The following SLCO1A2 variants were observed in gnomAD, a reference collection of about 807,000 sequenced individuals.
SLCO1A2 encodes the protein solute carrier organic anion transporter family member 1A2.
A neutral mutation model predicts 69.0 loss-of-function variants in SLCO1A2; 67 were observed. That is an observed-to-expected ratio of 0.97 (90% confidence interval 0.80 to 1.19). SLCO1A2 has a LOEUF of 1.19. SLCO1A2 is among the 50% of genes most tolerant of loss of function. SLCO1A2 has a pLI of 0.00. For missense variants in SLCO1A2, 787 were observed against 793.7 expected, an observed-to-expected ratio of 0.99 and a Z score of 0.10; for synonymous variants, 260 against 265.9, an observed-to-expected ratio of 0.98 and a Z score of 0.22.
At chr12:21,413,001 G>A (rs1237327859) in intron 1 of SLCO1A2, among the ~76,000 whole-genome samples, 1 of 152,056 alleles carries the variant, frequency 6.6e-6, no homozygotes, top group Non-Finnish European at 1.5e-5. Context: ...GACGATAGGG[G>A]ACCTGCTCAT....
intron 7 of SLCO1A2, 108 bp from the exon 8 acceptor site, chr12:21,300,677 G>T: frequency 1.1e-6 from 1 of 883,270 alleles, no homozygotes; most frequent in Non-Finnish European, 1.6e-6. Flanking sequence ...CTATAAAATT[G>T]GCTTATAATT....
chr12:21,376,010 T>C (rs1223415218), intron 1 of SLCO1A2, among the ~76,000 whole-genome samples: 1 of 152,154 alleles, frequency 6.6e-6, no homozygotes, highest in Non-Finnish European at 1.5e-5. Flanking sequence ...ATATACTGAA[T>C]AGTATATTTA....
At chr12:21,394,929 A>G (rs912202567) in exon 1 of SLCO1A2, 1 of 152,232 alleles carries the variant, frequency 6.6e-6, no homozygotes, top group African/African-American at 2.4e-5. Context: ...AGATGATGAT[A>G]GTAACATAGC....
intron 2 of SLCO1A2, among the ~76,000 whole-genome samples, chr12:21,322,611 G>A (rs535869040): frequency 7.2e-5 from 11 of 152,250 alleles, no homozygotes; most frequent in African/African-American, 1.7e-4. Flanking sequence ...TCTATCATGC[G>A]GATAAAGCCT....
At position 21,348,127 on chromosome 12, in the gene SLCO1A2, T is replaced by C. The variant is rs1301808772; in HGVS notation, c.-62-13418A>G. Among the ~76,000 whole-genome samples, 7 of 152,124 alleles carry C rather than the reference T, an allele frequency of 4.6e-5. No individual in the cohort carries two copies. In the South Asian group the frequency reaches 1.0e-3, roughly 22 times the overall value. On this transcript the variant is annotated intron_variant, in intron 2 of 15. Transcript: ENST00000307378. ...TTTTTAAAACATTTTTGTGAGTACA[T>C]AGTAGGTATATGTTTATGGGGTACA...
chr12:21,352,591 T>G (rs916501236), intron 2 of SLCO1A2, among the ~76,000 whole-genome samples: 2 of 152,198 alleles, frequency 1.3e-5, no homozygotes, highest in African/African-American at 4.8e-5. Flanking sequence ...TCTTTATTAA[T>G]TAATACCTGT....
At chr12:21,390,400 T>G (rs1448262052) in intron 1 of SLCO1A2, among the ~76,000 whole-genome samples, 1 of 152,150 alleles carries the variant, frequency 6.6e-6, no homozygotes, top group African/African-American at 2.4e-5. Context: ...AAAGATAGCC[T>G]TTTAAAAATC....
upstream of SLCO1A2, among the ~76,000 whole-genome samples, chr12:21,398,436 T>C (rs1941559363): frequency 7.4e-6 from 1 of 135,948 alleles, no homozygotes. Flanking sequence ...AGCTGAATTC[T>C]ACCAGAGGTA....
rs556173296 is a variant in SLCO1A2, at chr12:21,266,831, C to G, written c.*2717G>C. 6.6e-6 allele frequency: 1 copy of G among 152,148 alleles called. No individual in the cohort carries two copies. Among genetic ancestry groups the G allele is most frequent in the South Asian group, 2.1e-4 (1 of 4,808 alleles). The allele number at this position is 152,148 out of a possible 1,614,324, so 9.4% of individuals were successfully genotyped here. A position where few individuals can be genotyped will look rare whatever the true frequency, so the allele number is the denominator to read the frequency against. ...TAAAATAAAACCATAGGTGGATTCA[C>G]AAAGAAACTGTGTAAGCATCTGTAA... On this transcript the variant is annotated 3_prime_UTR_variant, in exon 15 of 15. Transcript: ENST00000683939.
chr12:21,290,348 A>T (rs10841786), intron 12 of SLCO1A2, among the ~76,000 whole-genome samples: 55,291 of 151,924 alleles, frequency 0.36, 11,107 homozygotes, highest in African/African-American at 0.55. Flanking sequence ...AGTTTGAGAA[A>T]GAAAGAATAA....
chr12:21,323,063 T>C (rs1951839331), intron 2 of SLCO1A2, among the ~76,000 whole-genome samples: 1 of 152,166 alleles, frequency 6.6e-6, no homozygotes, highest in Non-Finnish European at 1.5e-5. Flanking sequence ...CTAGGCCAGA[T>C]AGGAATGGAC....
At position 21,281,897 on chromosome 12, in the gene SLCO1A2, C is replaced by G. The variant is rs536977817; in HGVS notation, c.1611-6473G>C. ...GATTAAACTATGAAGAAATCCAAAA[C>G]CTGAACAGATCAATAAAAAGTAATG... On this transcript the variant is annotated intron_variant, in intron 12 of 14. Transcript: ENST00000683939. 2.6e-5 allele frequency among the ~76,000 whole-genome samples: 4 copies of G among 152,036 alleles called. No homozygotes were observed. The East Asian group carries it at 5.8e-4, about 22-fold the overall frequency.
At chr12:21,271,810 T>C (rs1222649767) in intron 14 of SLCO1A2, among the ~76,000 whole-genome samples, 1 of 148,242 alleles carries the variant, frequency 6.7e-6, no homozygotes, top group African/African-American at 2.4e-5. Context: ...AATATGTATA[T>C]ATGTACTTAT....
At chr12:21,340,727 G>T (rs1233426696) in intron 2 of SLCO1A2, among the ~76,000 whole-genome samples, 1 of 151,678 alleles carries the variant, frequency 6.6e-6, no homozygotes, top group Non-Finnish European at 1.5e-5. Flanking sequence ...TGACACTTTG[G>T]ACTCCACGTG....
At chr12:21,281,684 A>C (rs1354810924) in intron 12 of SLCO1A2, among the ~76,000 whole-genome samples, 1 of 152,228 alleles carries the variant, frequency 6.6e-6, no homozygotes, top group Admixed American at 6.5e-5. Context: ...AAAAAGAGAG[A>C]AGACTCAAAT....
chr12:21,391,008 A>G (rs1941125722), intron 1 of SLCO1A2, among the ~76,000 whole-genome samples: 1 of 152,180 alleles, frequency 6.6e-6, no homozygotes, highest in South Asian at 2.1e-4. Context: ...AAGGTGGGAC[A>G]TGTCTTTGAA....
At chr12:21,270,241 T>C (rs545991709) in intron 14 of SLCO1A2, among the ~76,000 whole-genome samples, 36 of 151,994 alleles carry the variant, frequency 2.4e-4, no homozygotes, top group African/African-American at 8.7e-4. Context: ...GTGCATAATA[T>C]AACCAAATAA....
chr12:21,310,640 C>T (rs1006129860), intron 4 of SLCO1A2, among the ~76,000 whole-genome samples: 11 of 152,212 alleles, frequency 7.2e-5, no homozygotes, highest in South Asian at 4.1e-4. Context: ...CTCGCTATGT[C>T]GCCCAGGCTG....
At chr12:21,364,023 G>A (rs767656010) in intron 2 of SLCO1A2, among the ~76,000 whole-genome samples, 1 of 152,188 alleles carries the variant, frequency 6.6e-6, no homozygotes, top group Non-Finnish European at 1.5e-5. Flanking sequence ...TAGAAAAAGA[G>A]GGAATCCTCC....
Sources: gnomAD v4.1 joint callset for allele counts (sites outside exome capture counted in the v4.1 genomes callset) on GRCh38, gnomAD v4.1.1 for gene constraint, MANE v1.5 for transcripts, NCBI Gene and HGNC (gene_info 2026-07-23, HGNC 2026-07-21) for gene names.